Variants in POFUT3 observed in about 807,000 individuals in gnomAD.
The protein encoded by POFUT3 is protein O-fucosyltransferase 3.
the POFUT3 span, among the ~76,000 whole-genome samples, chr8:33,317,038 C>T: frequency 4.6e-3 from 702 of 152,164 alleles, 8 homozygotes; most frequent in African/African-American, 0.016. Context: ...CTGGGCCCCA[C>T]TAGGCATGAA....
At chr8:33,467,564 C>T in the POFUT3 span, among the ~76,000 whole-genome samples, 382 of 152,174 alleles carry the variant, frequency 2.5e-3, 5 homozygotes, top group African/African-American at 8.5e-3. Context: ...ATCCTCTTAC[C>T]CCTAGGAGCT....
chr8:33,322,274 GGA>G, the POFUT3 span, among the ~76,000 whole-genome samples: 1 of 152,108 alleles, frequency 6.6e-6, no homozygotes, highest in Non-Finnish European at 1.5e-5. Flanking sequence ...GTGGGCTGGA[GGA>G]GAGATTAACA....
At chr8:33,419,248 A>T in the POFUT3 span, among the ~76,000 whole-genome samples, 1 of 152,200 alleles carries the variant, frequency 6.6e-6, no homozygotes, top group Non-Finnish European at 1.5e-5. Flanking sequence ...TAACACATAG[A>T]ATAGTAGAGG....
chr8:33,385,592 T>A, the POFUT3 span, among the ~76,000 whole-genome samples: 1 of 151,754 alleles, frequency 6.6e-6, no homozygotes, highest in Non-Finnish European at 1.5e-5. Context: ...TGGCCAAGAG[T>A]GAAGGAAGGC....
the POFUT3 span, among the ~76,000 whole-genome samples, chr8:33,459,066 G>C: frequency 6.6e-6 from 1 of 152,254 alleles, no homozygotes; most frequent in South Asian, 2.1e-4. Flanking sequence ...AGAACCAGGC[G>C]TGGTGACTCA....
the POFUT3 span, among the ~76,000 whole-genome samples, chr8:33,458,009 T>A: frequency 1.3e-5 from 2 of 152,166 alleles, no homozygotes; most frequent in Non-Finnish European, 2.9e-5. Flanking sequence ...AAGTCCTTAC[T>A]CCCAGTACTT....
the POFUT3 span, among the ~76,000 whole-genome samples, chr8:33,355,746 G>A: frequency 6.6e-6 from 1 of 151,682 alleles, no homozygotes; most frequent in African/African-American, 2.4e-5. Flanking sequence ...ATGTATACAT[G>A]TGCCATGCTG....
At chr8:33,380,750 A>G in the POFUT3 span, among the ~76,000 whole-genome samples, 11 of 151,224 alleles carry the variant, frequency 7.3e-5, no homozygotes, top group African/African-American at 2.2e-4. Flanking sequence ...GGCAGGAGGA[A>G]TGCTTGAGTC....
chr8:33,382,985 TAGAGCAAGTTAGGACC>T, the POFUT3 span, among the ~76,000 whole-genome samples: 1 of 151,978 alleles, frequency 6.6e-6, no homozygotes, highest in Non-Finnish European at 1.5e-5. Flanking sequence ...ACCCAAAAGG[TAGAGCAAGTTAGGACC>T]AGTGGGACAA....
the POFUT3 span, among the ~76,000 whole-genome samples, chr8:33,409,350 G>T: frequency 6.6e-6 from 1 of 152,032 alleles, no homozygotes; most frequent in Admixed American, 6.6e-5. Context: ...TGATCCACCC[G>T]CCTTGGCCTC....
chr8:33,424,762 A>C, the POFUT3 span, among the ~76,000 whole-genome samples: 1 of 152,132 alleles, frequency 6.6e-6, no homozygotes, highest in Non-Finnish European at 1.5e-5. Flanking sequence ...CCCAAAAGAT[A>C]AACTAGAGGC....
At chr8:33,413,446 G>A in the POFUT3 span, among the ~76,000 whole-genome samples, 1 of 152,076 alleles carries the variant, frequency 6.6e-6, no homozygotes, top group Admixed American at 6.5e-5. Flanking sequence ...TGCAAACCAA[G>A]AAGCCAGCCC....
the POFUT3 span, among the ~76,000 whole-genome samples, chr8:33,314,145 C>T: frequency 6.6e-6 from 1 of 152,122 alleles, no homozygotes; most frequent in African/African-American, 2.4e-5. Flanking sequence ...AAAAAGAAAT[C>T]AATTGATGGC....
chr8:33,332,939 T>A, the POFUT3 span, among the ~76,000 whole-genome samples: 1 of 152,156 alleles, frequency 6.6e-6, no homozygotes, highest in Non-Finnish European at 1.5e-5. Flanking sequence ...TTCTCCTTCA[T>A]CTTCGGGCTT....
chr8:33,397,279 G>C, the POFUT3 span, among the ~76,000 whole-genome samples: 1 of 152,208 alleles, frequency 6.6e-6, no homozygotes, highest in Non-Finnish European at 1.5e-5. Flanking sequence ...ATAAGAAAAA[G>C]TGAGAATTAG....
the POFUT3 span, among the ~76,000 whole-genome samples, chr8:33,312,313 G>A: frequency 2.6e-5 from 4 of 151,596 alleles, no homozygotes; most frequent in African/African-American, 9.7e-5. Flanking sequence ...TTTGGACATA[G>A]AACACAAGGA....
the POFUT3 span, among the ~76,000 whole-genome samples, chr8:33,386,280 T>C: frequency 2.0e-5 from 3 of 151,634 alleles, no homozygotes; most frequent in African/African-American, 7.3e-5. Context: ...AATAAGCACA[T>C]TAGCATTTTG....
At chr8:33,323,540 A>G in the POFUT3 span, among the ~76,000 whole-genome samples, 1 of 152,194 alleles carries the variant, frequency 6.6e-6, no homozygotes, top group East Asian at 1.9e-4. Context: ...GATATATTGC[A>G]CAGCACAGAA....
chr8:33,361,007 G>A, the POFUT3 span: 1 of 152,094 alleles, frequency 6.6e-6, no homozygotes, highest in African/African-American at 2.4e-5. Flanking sequence ...CTTGTCTTAG[G>A]GACCAACATT....
Sources: gnomAD v4.1 joint callset for allele counts (sites outside exome capture counted in the v4.1 genomes callset) on GRCh38, gnomAD v4.1.1 for gene constraint, MANE v1.5 for transcripts, NCBI Gene and HGNC (gene_info 2026-07-23, HGNC 2026-07-21) for gene names.